ATXN10: variants seen among roughly 807,000 people sequenced by gnomAD.
ATXN10 encodes the protein ataxin 10, also known as ataxin-10.
ATXN10 carries 28 observed loss-of-function variants against 52.9 expected under a neutral mutation model. The ratio of observed to expected loss-of-function variants is 0.53; its 90% CI spans 0.39 to 0.73. ATXN10 has a LOEUF of 0.73. Among genes scored for constraint, ATXN10 ranks in the 30% least tolerant of loss-of-function variants. The pLI, the probability that ATXN10 is intolerant of heterozygous loss-of-function variation, is 0.00. For synonymous variants in ATXN10, 226 were observed against 221.5 expected (o/e 1.02, Z -0.18); for missense variants, 565 against 577.0 (o/e 0.98, Z 0.21).
rs1929202054 is a variant in ATXN10 at position 45,837,387 on chromosome 22, A to C, written c.1238-5604A>C. Among the ~76,000 whole-genome samples, 1 of 152,090 alleles carries C rather than the reference A, an allele frequency of 6.6e-6. No homozygotes were observed. Among genetic ancestry groups the C allele is most frequent in the Admixed American group, 6.5e-5 (1 of 15,274 alleles). ...CGATTTCTCCTGCCTCAGCCTCCCG[A>C]GTAGCTGGGACTGCAGGCGGCTCAC... On this transcript the variant is annotated intron_variant, in intron 10 of 11. Transcript: ENST00000252934. This position sits in a 1 kb window ranked among gnomAD's most constrained non-coding sequence, Gnocchi z 5.8.
In ATXN10 at chr22:45,790,839, A is replaced by G. The variant is rs1465198615; in HGVS notation, c.1174-16120A>G. The stretch of plus-strand genomic sequence containing the variant: ...CCTTCTAGATCTTATTTCCCATTTC[A>G]TTTATTTTTATTGTTTATTTTTCAA... On this transcript the variant is annotated intron_variant, in intron 9 of 11. Coordinates refer to ENST00000252934, the MANE Select transcript of ATXN10 (RefSeq NM_013236.4). The surrounding 1 kb of genome is among the most constrained non-coding windows in gnomAD (Gnocchi z 4.7). Among the ~76,000 whole-genome samples the G allele has an allele frequency of 6.6e-6, 1 of 151,568 alleles. No individual in the cohort carries two copies. The highest frequency in any genetic ancestry group is 2.4e-5 in the African/African-American group (1 of 41,208).
At chr22:45,829,582 T>C (rs1238324173) in intron 10 of ATXN10, among the ~76,000 whole-genome samples, 4 of 152,208 alleles carry the variant, frequency 2.6e-5, no homozygotes, top group African/African-American at 7.2e-5. Flanking sequence ...GCATTCTATT[T>C]ACTAATACTG....
intron 10 of ATXN10, among the ~76,000 whole-genome samples, chr22:45,827,160 C>T (rs1336034135): frequency 7.1e-6 from 1 of 141,140 alleles, no homozygotes; most frequent in Non-Finnish European, 1.5e-5. Flanking sequence ...CACACACACA[C>T]ACACACACAC....
At chr22:45,709,845 T>A (rs1924176838) in intron 5 of ATXN10, among the ~76,000 whole-genome samples, 1 of 152,160 alleles carries the variant, frequency 6.6e-6, no homozygotes, top group Non-Finnish European at 1.5e-5. Context: ...CTACCAATGT[T>A]TATCCTTCAG....
At position 45,840,891 on chromosome 22, in the gene ATXN10, T is replaced by TA. The variant is rs1929326041; in HGVS notation, c.1238-2099dup. Among the ~76,000 whole-genome samples the TA allele has an allele frequency of 6.6e-6, 1 of 152,236 alleles. No homozygotes were observed. Among genetic ancestry groups the TA allele is most frequent in the African/African-American group, 2.4e-5 (1 of 41,452 alleles). ...CTCATGAACAAAAATTCCCCAGTCT[T>TA]ACATTTCTTGCTCCTTGAGTCAGTT... On this transcript the variant is annotated intron_variant, in intron 10 of 11. Coordinates refer to ENST00000252934, the MANE Select transcript of ATXN10 (RefSeq NM_013236.4). The surrounding 1 kb of genome is among the most constrained non-coding windows in gnomAD (Gnocchi z 5.8).
Position 45,693,008 on chromosome 22 carries a change from G to A in ATXN10, c.321G>A (p.Thr107=), listed in dbSNP as rs61733598. ...TTAAAAAACCCAGGAACTTGGATAC[G>A]ATTGGTGTTGCTGTTGATTTGATTC... is the stretch of plus-strand genomic sequence containing the variant. The part of the protein sequence containing the change: ...VNQNSIRNLD[T]IGVAVDLILL... The change falls in exon 3 of 12, where the codon ACG becomes ACA. Residue 107 remains threonine (T), a synonymous_variant. Transcript: ENST00000252934. The A allele has an allele frequency of 3.4e-3, 5,454 of 1,613,974 alleles. 17 individuals are homozygous for A. Among genetic ancestry groups the A allele is most frequent in the Non-Finnish European group, 4.1e-3 (4,831 of 1,179,898 alleles).
At position 45,819,844 on chromosome 22, in the gene ATXN10, A is replaced by G. The variant is rs1928591653; in HGVS notation, c.1237+12822A>G. On this transcript the variant is annotated intron_variant, in intron 10 of 11. Coordinates refer to ENST00000252934, the MANE Select transcript of ATXN10 (RefSeq NM_013236.4). This position sits in a 1 kb window ranked among gnomAD's most constrained non-coding sequence, Gnocchi z 4.5. The stretch of plus-strand genomic sequence containing the variant: ...AATACCTTTTTAAATTGCGAAACTT[A>G]AATACCATTGCCACACAGATTATAT... Among the ~76,000 whole-genome samples the G allele has an allele frequency of 1.3e-5, 2 of 152,240 alleles. No individual in the cohort carries two copies. Among genetic ancestry groups the G allele is most frequent in the Admixed American group, 1.3e-4 (2 of 15,288 alleles).
chr22:45,757,531 GA>G lies in ATXN10; in HGVS notation c.1173+16996del, dbSNP rs1352450177. On this transcript the variant is annotated intron_variant, in intron 9 of 11. Transcript: ENST00000252934. This position sits in a 1 kb window ranked among gnomAD's most constrained non-coding sequence, Gnocchi z 4.6. The stretch of plus-strand genomic sequence containing the variant: ...TGTTTCATTCAGTACTTTGGAGGGA[GA>G]AAGAAATGGGTTCTTTCTCTGTATT... Among the ~76,000 whole-genome samples the G allele has an allele frequency of 6.6e-6, 1 of 151,962 alleles. No individual in the cohort carries two copies. Among genetic ancestry groups the G allele is most frequent in the Non-Finnish European group, 1.5e-5 (1 of 67,992 alleles).
At chr22:45,801,564 C>G (rs957379504) in intron 9 of ATXN10, among the ~76,000 whole-genome samples, 3 of 152,136 alleles carry the variant, frequency 2.0e-5, no homozygotes, top group Non-Finnish European at 4.4e-5. Context: ...AAGGCTAAAG[C>G]CAGCAAAAGA....
At chr22:45,778,896 G>A (rs1927050974) in intron 9 of ATXN10, among the ~76,000 whole-genome samples, 1 of 152,210 alleles carries the variant, frequency 6.6e-6, no homozygotes, top group African/African-American at 2.4e-5. Context: ...GTCCTAGGAT[G>A]TGAGCACTCT....
intron 1 of ATXN10, among the ~76,000 whole-genome samples, chr22:45,687,352 T>C (rs940987564): frequency 2.0e-5 from 3 of 152,326 alleles, no homozygotes; most frequent in Non-Finnish European, 4.4e-5. Flanking sequence ...TAGATACCAA[T>C]TTTGAGTAAA....
intron 9 of ATXN10, among the ~76,000 whole-genome samples, chr22:45,748,913 T>TA (rs1160096538): frequency 1.3e-5 from 2 of 152,172 alleles, no homozygotes; most frequent in Non-Finnish European, 2.9e-5. Flanking sequence ...GTTGCAGCTG[T>TA]AAAATTTTTT....
At chr22:45,829,129 T>G (rs1928908821) in intron 10 of ATXN10, among the ~76,000 whole-genome samples, 1 of 152,186 alleles carries the variant, frequency 6.6e-6, no homozygotes, top group Non-Finnish European at 1.5e-5. Flanking sequence ...AAACACATGA[T>G]CAATTCAGTT....
chr22:45,788,814 T>A (rs1403354412), intron 9 of ATXN10, among the ~76,000 whole-genome samples: 2 of 151,962 alleles, frequency 1.3e-5, no homozygotes, highest in Non-Finnish European at 2.9e-5. Context: ...CACACCCAGC[T>A]AATTTTTAAT....
At chr22:45,702,160 T>TA (rs1325319309) in intron 4 of ATXN10, among the ~76,000 whole-genome samples, 1 of 152,188 alleles carries the variant, frequency 6.6e-6, no homozygotes, top group Admixed American at 6.5e-5. Flanking sequence ...CCATATTGCA[T>TA]AACCCATGAT....
chr22:45,779,578 G>A (rs191992257), intron 9 of ATXN10, among the ~76,000 whole-genome samples: 1 of 152,302 alleles, frequency 6.6e-6, no homozygotes, highest in East Asian at 1.9e-4. Flanking sequence ...TCAGGCCTCA[G>A]TAGGCATCTT....
At chr22:45,735,950 C>T (rs767249375) in intron 7 of ATXN10, among the ~76,000 whole-genome samples, 1 of 148,854 alleles carries the variant, frequency 6.7e-6, no homozygotes, top group Non-Finnish European at 1.5e-5. Flanking sequence ...GCTGTTCTTT[C>T]GTTACTAATT....
At chr22:45,803,425 C>T (rs1174706685) in intron 9 of ATXN10, among the ~76,000 whole-genome samples, 1 of 152,194 alleles carries the variant, frequency 6.6e-6, no homozygotes, top group East Asian at 1.9e-4. Context: ...CTAAATGCCA[C>T]TTCTTTAGGG....
chr22:45,693,748 G>A (rs1270786643), intron 3 of ATXN10, among the ~76,000 whole-genome samples: 1 of 152,112 alleles, frequency 6.6e-6, no homozygotes, highest in African/African-American at 2.4e-5. Context: ...GTATATGACT[G>A]GTATCCTTAT....
Sources: allele counts gnomAD v4.1 joint callset (sites outside exome capture counted in the v4.1 genomes callset), GRCh38; gene constraint gnomAD v4.1.1; non-coding constraint Gnocchi (gnomAD v3.1); transcripts MANE v1.5; gene names NCBI Gene and HGNC (gene_info 2026-07-23, HGNC 2026-07-21).